TRIM44: variants seen among roughly 807,000 people sequenced by gnomAD.
TRIM44 encodes the protein tripartite motif containing 44, also known as tripartite motif-containing protein 44.
In TRIM44, 13 loss-of-function variants were observed where a neutral mutation model predicts 37.4. The ratio of observed to expected loss-of-function variants is 0.35; its 90% CI spans 0.23 to 0.55. The LOEUF is 0.55. Ranked by LOEUF, TRIM44 falls within the 20% of genes least tolerant of loss-of-function variation. TRIM44 has a pLI of 0.89. For missense variants in TRIM44, 426 were observed against 437.2 expected, an observed-to-expected ratio of 0.97 and a Z score of 0.23; for synonymous variants, 175 against 157.2, an observed-to-expected ratio of 1.11 and a Z score of -0.85.
intron 2 of TRIM44, among the ~76,000 whole-genome samples, chr11:35,724,580 G>A (rs1852147419): frequency 2.0e-5 from 3 of 152,276 alleles, no homozygotes; most frequent in East Asian, 3.9e-4. Context: ...ATGGTTGTGA[G>A]GAAACATCAA....
Position 35,663,453 on chromosome 11 carries a change from G to A in TRIM44, c.342G>A (p.Glu114=). 6.4e-7 allele frequency: 1 copy of A among 1,565,684 alleles called. No homozygotes were observed. Among genetic ancestry groups the A allele is most frequent in the Middle Eastern group, 1.7e-4 (1 of 5,988 alleles). The change falls in exon 1 of 5, where the codon GAG becomes GAA. Residue 114 remains glutamate (E), a synonymous_variant. Transcript: ENST00000299413. ...ESESEEESET[E]EESEDESDEE... ...AGTCAGAGGAAGAGAGCGAGACAGA[G>A]GAAGAGAGTGAGGATGAGAGCGATG...
chr11:35,709,611 G>C (rs1851940610), intron 2 of TRIM44, among the ~76,000 whole-genome samples: 1 of 152,122 alleles, frequency 6.6e-6, no homozygotes, highest in Non-Finnish European at 1.5e-5. Context: ...TCCAAACCCA[G>C]TTTGGTTCAG....
chr11:35,783,366 C>T (rs1427822824), intron 4 of TRIM44, among the ~76,000 whole-genome samples: 1 of 152,176 alleles, frequency 6.6e-6, no homozygotes, highest in Non-Finnish European at 1.5e-5. Flanking sequence ...GCCCAGAGCC[C>T]TTGAAGCCAC....
intron 1 of TRIM44, among the ~76,000 whole-genome samples, chr11:35,677,323 T>G (rs556799195): frequency 3.3e-5 from 5 of 152,022 alleles, no homozygotes; most frequent in Non-Finnish European, 5.9e-5. Context: ...AGGCATTTAA[T>G]AGATGAATAC....
intron 4 of TRIM44, among the ~76,000 whole-genome samples, chr11:35,795,677 C>T (rs886258708): frequency 2.0e-5 from 3 of 152,060 alleles, no homozygotes; most frequent in Non-Finnish European, 4.4e-5. Context: ...CAGGTGACAA[C>T]AGTGTTAACT....
intron 4 of TRIM44, among the ~76,000 whole-genome samples, chr11:35,779,184 T>A (rs1565021481): frequency 6.6e-6 from 1 of 152,160 alleles, no homozygotes; most frequent in Non-Finnish European, 1.5e-5. Flanking sequence ...TGCAATTCGA[T>A]CTCTGACTGC....
rs1853508012 is a variant in TRIM44 at position 35,809,930 on chromosome 11, C to G, written c.*3545C>G. The G allele has an allele frequency of 6.6e-6, 1 of 152,114 alleles. No individual in the cohort carries two copies. The highest frequency in any genetic ancestry group is 6.6e-5 in the Admixed American group (1 of 15,262). 9.4% of individuals were successfully genotyped at this position (152,114 alleles called of 1,614,324 possible). A position where few individuals can be genotyped will look rare whatever the true frequency, so the allele number is the denominator to read the frequency against. On this transcript the variant is annotated 3_prime_UTR_variant, in exon 5 of 5. Coordinates refer to ENST00000299413, the MANE Select transcript of TRIM44 (RefSeq NM_017583.6). ...AGAGCTAAGGAAAACTCAAAGCAGCCCCTTCATTATCTTGCGTACTACTTC... is the reference window on the plus strand; with the variant it reads ...AGAGCTAAGGAAAACTCAAAGCAGCGCCTTCATTATCTTGCGTACTACTTC...
At position 35,705,482 on chromosome 11, in the gene TRIM44, C is replaced by T. The variant is rs143750778; in HGVS notation, c.747+20146C>T. Reference sequence around the variant, plus strand: ...ACATTCTTTTCAGCACCACACCACACCTATTCCAAAATTGACCACATAGTG... The same window carrying T: ...ACATTCTTTTCAGCACCACACCACATCTATTCCAAAATTGACCACATAGTG... On this transcript the variant is annotated intron_variant, in intron 2 of 4. Transcript: ENST00000299413. Among the ~76,000 whole-genome samples the T allele has an allele frequency of 0.014, 2,108 of 152,286 alleles. 117 individuals carry two copies. The East Asian group carries it at 0.14, about 10-fold the overall frequency.
intron 4 of TRIM44, among the ~76,000 whole-genome samples, chr11:35,744,647 T>G (rs1282290726): frequency 1.3e-5 from 2 of 152,154 alleles, no homozygotes; most frequent in East Asian, 1.9e-4. Context: ...GCTGGTTTGC[T>G]GCACAGATCG....
At position 35,702,051 on chromosome 11, in the gene TRIM44, A is replaced by G. The variant is rs116490214; in HGVS notation, c.747+16715A>G. ...ATAGCAAAAGCCTCTCAATTTTGCA[A>G]GTTGCCACCCAAGGGGTTATATGGG... On this transcript the variant is annotated intron_variant, in intron 2 of 4. Transcript: ENST00000299413. Among the ~76,000 whole-genome samples the G allele has an allele frequency of 3.6e-3, 552 of 152,276 alleles. 6 individuals are homozygous for G. Among genetic ancestry groups the G allele is most frequent in the African/African-American group, 0.012 (516 of 41,570 alleles).
chr11:35,683,424 AAAATTGAC>A (rs751934986), intron 1 of TRIM44, among the ~76,000 whole-genome samples: 7 of 151,974 alleles, frequency 4.6e-5, no homozygotes, highest in Non-Finnish European at 8.8e-5. Context: ...CAGAGGGGGG[AAAATTGAC>A]CCTTTAGTAT....
chr11:35,706,308 T>C (rs1851880331), intron 2 of TRIM44, among the ~76,000 whole-genome samples: 2 of 151,950 alleles, frequency 1.3e-5, no homozygotes, highest in South Asian at 4.2e-4. Flanking sequence ...ACCAGATGGA[T>C]TCACAGCCGA....
intron 1 of TRIM44, among the ~76,000 whole-genome samples, chr11:35,669,016 G>A (rs542902321): frequency 2.0e-5 from 3 of 152,224 alleles, no homozygotes; most frequent in Admixed American, 6.5e-5. Flanking sequence ...AGTATGTGAA[G>A]ACTTTGTGGA....
intron 1 of TRIM44, among the ~76,000 whole-genome samples, chr11:35,684,695 G>A (rs1851554168): frequency 6.6e-6 from 1 of 151,958 alleles, no homozygotes; most frequent in Non-Finnish European, 1.5e-5. Context: ...GGTTTTTTTG[G>A]TGTTGAACTC....
chr11:35,790,758 T>G (rs1006357165), intron 4 of TRIM44, among the ~76,000 whole-genome samples: 1 of 152,140 alleles, frequency 6.6e-6, no homozygotes, highest in Non-Finnish European at 1.5e-5. Context: ...GTTGACTGTA[T>G]CATGAGCTTT....
chr11:35,746,649 G>A (rs1418313488), intron 4 of TRIM44, among the ~76,000 whole-genome samples: 1 of 151,976 alleles, frequency 6.6e-6, no homozygotes, highest in Non-Finnish European at 1.5e-5. Context: ...ACTGTAGGGA[G>A]GTGGCTTCAG....
chr11:35,733,368 A>G (rs1468017838), intron 3 of TRIM44, among the ~76,000 whole-genome samples: 2 of 152,246 alleles, frequency 1.3e-5, no homozygotes, highest in Non-Finnish European at 1.5e-5. Flanking sequence ...ATCTTAGACA[A>G]TTAGGCTTAA....
At chr11:35,679,923 C>T (rs146950608) in intron 1 of TRIM44, among the ~76,000 whole-genome samples, 148 of 152,250 alleles carry the variant, frequency 9.7e-4, no homozygotes, top group African/African-American at 3.4e-3. Context: ...GCTGGCAGTG[C>T]TAGTAGTAAA....
At chr11:35,683,633 T>G (rs1451218913) in intron 1 of TRIM44, among the ~76,000 whole-genome samples, 1 of 152,142 alleles carries the variant, frequency 6.6e-6, no homozygotes, top group Non-Finnish European at 1.5e-5. Context: ...TGAGTTTACC[T>G]CTTTTTGCTT....
Sources: gnomAD v4.1 joint callset for allele counts (sites outside exome capture counted in the v4.1 genomes callset) on GRCh38, gnomAD v4.1.1 for gene constraint, MANE v1.5 for transcripts, NCBI Gene and HGNC (gene_info 2026-07-23, HGNC 2026-07-21) for gene names.